The following GAP43 variants were observed in gnomAD, a reference collection of about 807,000 sequenced individuals.
GAP43 encodes the protein neuromodulin.
Under a neutral mutation model 18.6 loss-of-function variants are expected in GAP43, and 6 were observed. The observed-to-expected ratio is 0.32, with a 90% confidence interval of 0.18 to 0.64. GAP43 has a LOEUF of 0.64. Among genes scored for constraint, GAP43 ranks in the 30% least tolerant of loss-of-function variants. The probability of loss-of-function intolerance (pLI) is 0.78; values close to 1 mark genes in which losing one functional copy is unlikely to be tolerated. For missense variants in GAP43, 292 were observed against 295.5 expected, an observed-to-expected ratio of 0.99 and a Z score of 0.09; for synonymous variants, 115 against 111.4, an observed-to-expected ratio of 1.03 and a Z score of -0.20.
intron 2 of GAP43, among the ~76,000 whole-genome samples, chr3:115,696,589 C>A (rs927924900): frequency 7.6e-6 from 1 of 131,598 alleles, no homozygotes; most frequent in Middle Eastern, 3.9e-3. Context: ...CCCCCCCCCC[C>A]CACAAACAGG....
chr3:115,679,311 TATAA>T (rs1708930766), intron 2 of GAP43, among the ~76,000 whole-genome samples: 1 of 152,272 alleles, frequency 6.6e-6, no homozygotes, highest in Non-Finnish European at 1.5e-5. Context: ...TTGGGGGAAC[TATAA>T]ATGTTATTTA....
chr3:115,697,984 CGTGT>C (rs62915860), intron 2 of GAP43, among the ~76,000 whole-genome samples: 6 of 110,870 alleles, frequency 5.4e-5, no homozygotes, highest in Admixed American at 1.4e-4. Context: ...AGTACATGTG[CGTGT>C]GTGTGTGTGT....
In GAP43 at chr3:115,663,525, A is replaced by G. The variant is rs1209661545; in HGVS notation, c.31-12488A>G. ...ATTTTTCTCTTTTGCTTTCAGAATT[A>G]AAAGGGAACCTGGTCTCTGGGTTGT... On this transcript the variant is annotated intron_variant, in intron 1 of 2. Coordinates refer to ENST00000305124, the MANE Select transcript of GAP43 (RefSeq NM_002045.4). 1.1e-5 allele frequency: 14 copies of G among 1,238,690 alleles called. No homozygotes were observed. The South Asian group carries it at 3.5e-4, about 31-fold the overall frequency. The allele number at this position is 1,238,690 out of a possible 1,614,324, so 76.7% of individuals were successfully genotyped here. A position where few individuals can be genotyped will look rare whatever the true frequency, so the allele number is the denominator to read the frequency against.
intron 2 of GAP43, among the ~76,000 whole-genome samples, chr3:115,706,448 G>A (rs1489936949): frequency 6.6e-6 from 1 of 152,122 alleles, no homozygotes; most frequent in African/African-American, 2.4e-5. Flanking sequence ...GGTAAACATA[G>A]TTTTTCTACA....
rs1399746809 is a variant in GAP43, at chr3:115,698,050, T to TAATATATATAATAAA, written c.628+21440_628+21441insAATATATATAATAAA. ...ATGTATATAAAATATATATTATATA[T>TAATATATATAATAAA]TATATAAAATATATATTATATATAA... On this transcript the variant is annotated intron_variant, in intron 2 of 2. Transcript: ENST00000305124. Among the ~76,000 whole-genome samples the TAATATATATAATAAA allele has an allele frequency of 2.0e-3, 150 of 75,184 alleles. 4 individuals carry two copies. Among genetic ancestry groups the TAATATATATAATAAA allele is most frequent in the African/African-American group, 8.7e-3 (125 of 14,346 alleles). 49.3% of individuals were successfully genotyped at this position (75,184 alleles called of 152,430 possible). A position where few individuals can be genotyped will look rare whatever the true frequency, so the allele number is the denominator to read the frequency against.
intron 2 of GAP43, among the ~76,000 whole-genome samples, chr3:115,687,960 A>C (rs13065396): frequency 0.31 from 47,435 of 151,908 alleles, 8,810 homozygotes; most frequent in Admixed American, 0.42. Context: ...ACCATAAAAA[A>C]ATGGAATTTG....
chr3:115,626,791 T>C (rs1236991094), intron 1 of GAP43, among the ~76,000 whole-genome samples: 4 of 152,152 alleles, frequency 2.6e-5, no homozygotes, highest in African/African-American at 9.6e-5. Flanking sequence ...ATCTGCTTTT[T>C]TCCTCATGCA....
chr3:115,623,834 T>C (rs1462474772), intron 1 of GAP43, 115 bp downstream of exon 1: 1 of 1,033,552 alleles, frequency 9.7e-7, no homozygotes, highest in Admixed American at 1.7e-5. Flanking sequence ...TGCTCGCGCT[T>C]CCTTAGCATA....
chr3:115,643,179 C>G (rs529091923), intron 1 of GAP43, among the ~76,000 whole-genome samples: 22 of 152,176 alleles, frequency 1.4e-4, no homozygotes, highest in African/African-American at 5.3e-4. Context: ...ATGTAGACAT[C>G]TCAATACCTA....
chr3:115,715,825 A>G (rs1452382782), intron 2 of GAP43, among the ~76,000 whole-genome samples: 5 of 152,174 alleles, frequency 3.3e-5, no homozygotes, highest in African/African-American at 1.2e-4. Flanking sequence ...TGCTTTAGTT[A>G]TCACTCTGAA....
At chr3:115,690,960 T>C (rs560312850) in intron 2 of GAP43, among the ~76,000 whole-genome samples, 60 of 152,138 alleles carry the variant, frequency 3.9e-4, no homozygotes, top group Non-Finnish European at 7.9e-4. Flanking sequence ...TTTCACCATG[T>C]TAGCTAGGAT....
In GAP43 at chr3:115,631,025, T is replaced by C. The variant is rs188120415; in HGVS notation, c.30+7306T>C. The stretch of plus-strand genomic sequence containing the variant: ...TTCTGATTACTTATTCAGCGTGGGC[T>C]TTGTGTAAATGCAAGCTCAGCTCTA... On this transcript the variant is annotated intron_variant, in intron 1 of 2. Transcript: ENST00000305124. 1.3e-4 allele frequency among the ~76,000 whole-genome samples: 20 copies of C among 152,280 alleles called. 1 individual carries two copies. Among genetic ancestry groups the C allele is most frequent in the Admixed American group, 1.3e-3 (20 of 15,294 alleles).
At chr3:115,702,458 A>C (rs751824068) in intron 2 of GAP43, among the ~76,000 whole-genome samples, 18 of 152,128 alleles carry the variant, frequency 1.2e-4, no homozygotes, top group Non-Finnish European at 2.5e-4. Flanking sequence ...AAAGCTAGAA[A>C]ACAGCAGAAA....
chr3:115,677,493 A>C (rs1328796055), intron 2 of GAP43, among the ~76,000 whole-genome samples: 3 of 152,154 alleles, frequency 2.0e-5, no homozygotes, highest in Non-Finnish European at 4.4e-5. Flanking sequence ...GAGCAAGATA[A>C]ATTCAACAGA....
In GAP43 at chr3:115,667,031, C is replaced by T. The variant is rs114580175; in HGVS notation, c.31-8982C>T. Among the ~76,000 whole-genome samples, 628 of 152,224 alleles carry T rather than the reference C, an allele frequency of 4.1e-3. 7 individuals are homozygous for T. Among genetic ancestry groups the T allele is most frequent in the African/African-American group, 0.015 (616 of 41,530 alleles). On this transcript the variant is annotated intron_variant, in intron 1 of 2. Transcript: ENST00000305124. ...GCATTAGTGACCTGGAGCGAGAACA[C>T]CCAGCCAGTGAGCTGAGTGTTCACA...
rs570347231 is a variant in GAP43, at chr3:115,712,153, GT to G, written c.629-8635del. On this transcript the variant is annotated intron_variant, in intron 2 of 2. Coordinates refer to ENST00000305124, the MANE Select transcript of GAP43 (RefSeq NM_002045.4). ...TAATTTTTTAAAAAAATATCTCTGG[GT>G]TTTTTCTCCATTCAGAAAAAAACAC... 2.8e-3 allele frequency among the ~76,000 whole-genome samples: 428 copies of G among 152,076 alleles called. 2 individuals are homozygous for G. Among genetic ancestry groups the G allele is most frequent in the Non-Finnish European group, 4.9e-3 (335 of 67,980 alleles).
At chr3:115,716,767 T>TAG (rs1559809168) in intron 2 of GAP43, among the ~76,000 whole-genome samples, 3 of 79,438 alleles carry the variant, frequency 3.8e-5, no homozygotes, top group Non-Finnish European at 5.1e-5. Flanking sequence ...TATATATATA[T>TAG]ACAGAGAGAG....
At chr3:115,623,776 TC>T in intron 1 of GAP43, 57 bp downstream of exon 1, 2 of 1,602,752 alleles carry the variant, frequency 1.2e-6, no homozygotes, top group South Asian at 2.2e-5. Flanking sequence ...GTACAGTATT[TC>T]CCCGTAAAGG....
At chr3:115,708,024 T>C (rs200681318) in intron 2 of GAP43, among the ~76,000 whole-genome samples, 2,784 of 151,288 alleles carry the variant, frequency 0.018, 41 homozygotes, top group Middle Eastern at 0.041. Context: ...CATATATATA[T>C]ACACACACAC....
Sources: gnomAD v4.1 joint callset for allele counts (sites outside exome capture counted in the v4.1 genomes callset) on GRCh38, gnomAD v4.1.1 for gene constraint, MANE v1.5 for transcripts, NCBI Gene and HGNC (gene_info 2026-07-23, HGNC 2026-07-21) for gene names.